CA10: variants seen among roughly 807,000 people sequenced by gnomAD.
The protein encoded by CA10 is carbonic anhydrase 10 (inactive).
In CA10, 14 loss-of-function variants were observed where a neutral mutation model predicts 44.2. The observed-to-expected ratio is 0.32, with a 90% CI of 0.21 to 0.50. The LOEUF (loss-of-function observed/expected upper bound fraction) is 0.50, where lower values mean the gene tolerates loss of function less well. Ranked by LOEUF, CA10 falls within the 20% of genes least tolerant of loss-of-function variation. CA10 has a pLI of 0.99. For synonymous variants in CA10, 159 were observed against 141.6 expected (o/e 1.12, Z -0.87); for missense variants, 350 against 409.7 (o/e 0.85, Z 1.26).
At chr17:51,765,783 G>A (rs1037694587) in intron 3 of CA10, among the ~76,000 whole-genome samples, 1 of 150,516 alleles carries the variant, frequency 6.6e-6, no homozygotes, top group East Asian at 2.0e-4. Context: ...CAGCAGAAAT[G>A]TCAAGAACTA....
At chr17:52,004,491 C>T (rs1481160821) in intron 2 of CA10, among the ~76,000 whole-genome samples, 3 of 151,898 alleles carry the variant, frequency 2.0e-5, no homozygotes, top group African/African-American at 7.2e-5. Context: ...ATAACCAACA[C>T]TGTGGAAAAG....
chr17:52,119,474 G>A (rs1351076739), intron 1 of CA10, among the ~76,000 whole-genome samples: 1 of 152,126 alleles, frequency 6.6e-6, no homozygotes, highest in African/African-American at 2.4e-5. Context: ...CCCATGGTAA[G>A]TAAAGAATGT....
At chr17:52,074,618 G>GTT (rs3062872) in intron 1 of CA10, among the ~76,000 whole-genome samples, 150,730 of 152,280 alleles carry the variant, frequency 0.99, 74,614 homozygotes, top group East Asian at 1. Context: ...CTCAAATTTT[G>GTT]TTACATTAAG....
intron 2 of CA10, among the ~76,000 whole-genome samples, chr17:52,059,023 A>G (rs1452400717): frequency 6.6e-6 from 1 of 152,122 alleles, no homozygotes; most frequent in African/African-American, 2.4e-5. Flanking sequence ...AGAAATAACA[A>G]AGTATTTCTA....
At chr17:52,012,525 G>A (rs189075208) in intron 2 of CA10, among the ~76,000 whole-genome samples, 2 of 151,810 alleles carry the variant, frequency 1.3e-5, no homozygotes, top group East Asian at 1.9e-4. Context: ...GAGGTGAAAG[G>A]GCCCTTAGAT....
chr17:51,847,060 C>T (rs776855730), intron 3 of CA10, among the ~76,000 whole-genome samples: 22 of 152,152 alleles, frequency 1.4e-4, no homozygotes, highest in East Asian at 3.8e-4. Flanking sequence ...CATCCTATGA[C>T]GCCCTGGATG....
At chr17:52,052,299 T>A (rs1376026187) in intron 2 of CA10, among the ~76,000 whole-genome samples, 2 of 145,144 alleles carry the variant, frequency 1.4e-5, no homozygotes, top group African/African-American at 5.1e-5. Flanking sequence ...CTTTTTTTTT[T>A]AAAAAAAAAA....
Position 52,071,961 on chromosome 17 carries a change from T to A in CA10, c.136+358A>T, listed in dbSNP as rs116934085. Among the ~76,000 whole-genome samples the A allele has an allele frequency of 7.9e-3, 1,198 of 152,338 alleles. 9 individuals carry two copies. Among genetic ancestry groups the A allele is most frequent in the Non-Finnish European group, 0.011 (770 of 68,028 alleles). ...CATGGATGCTGCTAAAGTGACAGCA[T>A]GTGTTCCAGCAGCTCCATTGCCATG... On this transcript the variant is annotated intron_variant, in intron 2 of 8. Transcript: ENST00000451037.
chr17:51,742,674 C>T (rs1455691316), intron 4 of CA10, among the ~76,000 whole-genome samples: 1 of 152,138 alleles, frequency 6.6e-6, no homozygotes, highest in Non-Finnish European at 1.5e-5. Context: ...AGAGAGAAAG[C>T]CCCATATTTT....
chr17:51,914,966 A>G (rs1159282080), intron 3 of CA10, among the ~76,000 whole-genome samples: 3 of 152,228 alleles, frequency 2.0e-5, no homozygotes, highest in Non-Finnish European at 4.4e-5. Context: ...AGTACTCAAT[A>G]TATTTAGTTC....
chr17:52,141,757 T>G (rs1357618002), intron 1 of CA10, among the ~76,000 whole-genome samples: 1 of 152,154 alleles, frequency 6.6e-6, no homozygotes, highest in Non-Finnish European at 1.5e-5. Flanking sequence ...AGGGACTTGG[T>G]GGTTTAGGGA....
chr17:52,015,283 C>T (rs2109449), intron 2 of CA10, among the ~76,000 whole-genome samples: 150,325 of 152,220 alleles, frequency 0.99, 74,257 homozygotes, highest in South Asian at 1. Flanking sequence ...GACATCATGC[C>T]GGGGTTGGGT....
At chr17:51,671,105 C>T (rs1320575276) in intron 4 of CA10, among the ~76,000 whole-genome samples, 1 of 152,146 alleles carries the variant, frequency 6.6e-6, no homozygotes, top group African/African-American at 2.4e-5. Flanking sequence ...GTGTATCTGT[C>T]AGCTGTTAAG....
intron 3 of CA10, among the ~76,000 whole-genome samples, chr17:51,800,399 T>C (rs917053723): frequency 2.0e-5 from 3 of 152,152 alleles, no homozygotes; most frequent in African/African-American, 7.2e-5. Flanking sequence ...GATTAAAATG[T>C]TTGAAAATTG....
Position 51,631,579 on chromosome 17 carries a change from G to C in CA10, c.*5C>G. The C allele has an allele frequency of 6.2e-7, 1 of 1,612,244 alleles. No homozygotes were observed. The highest frequency in any genetic ancestry group is 8.5e-7 in the Non-Finnish European group (1 of 1,178,566). ...CTGAGGTGGGATTCTTCTTGGCTTT[G>C]TTCCCTACTTGAGGAGCCATTCATT... On this transcript the variant is annotated 3_prime_UTR_variant, in exon 9 of 9. Coordinates refer to ENST00000451037, the MANE Select transcript of CA10 (RefSeq NM_020178.5).
At chr17:51,783,251 A>G (rs1906129621) in intron 3 of CA10, among the ~76,000 whole-genome samples, 1 of 152,234 alleles carries the variant, frequency 6.6e-6, no homozygotes. Flanking sequence ...TGAATGGCCC[A>G]TTAGAGAAGT....
intron 3 of CA10, among the ~76,000 whole-genome samples, chr17:51,812,698 A>T (rs2143742289): frequency 6.6e-6 from 1 of 152,248 alleles, no homozygotes; most frequent in East Asian, 1.9e-4. Flanking sequence ...TAAGCATCAG[A>T]TTTTCTTTGT....
At chr17:51,987,060 G>A (rs542430632) in intron 2 of CA10, among the ~76,000 whole-genome samples, 1 of 152,114 alleles carries the variant, frequency 6.6e-6, no homozygotes, top group Non-Finnish European at 1.5e-5. Flanking sequence ...GCACATGCAT[G>A]TTTATAGCAG....
chr17:52,099,699 A>T (rs1988491328), intron 1 of CA10, among the ~76,000 whole-genome samples: 1 of 152,348 alleles, frequency 6.6e-6, no homozygotes, highest in African/African-American at 2.4e-5. Flanking sequence ...TATTCAGCAG[A>T]TGGTTCTTAA....
Sources: gnomAD v4.1 joint callset for allele counts (sites outside exome capture counted in the v4.1 genomes callset) on GRCh38, gnomAD v4.1.1 for gene constraint, MANE v1.5 for transcripts, NCBI Gene and HGNC (gene_info 2026-07-23, HGNC 2026-07-21) for gene names.